The following PC variants were observed in gnomAD, a reference collection of about 807,000 sequenced individuals.
PC encodes pyruvate carboxylase, also known as pyruvate carboxylase, mitochondrial.
In PC, 46 loss-of-function variants were observed where a neutral mutation model predicts 107.8. That is an observed-to-expected ratio of 0.43 (90% CI 0.34 to 0.55). PC has a LOEUF of 0.55. PC is among the 20% of genes least tolerant of loss of function. The pLI, the probability that PC is intolerant of heterozygous loss-of-function variation, is 0.04. For missense variants in PC, 1,241 were observed against 1,643.1 expected (o/e 0.76, Z 4.23); for synonymous variants, 662 against 684.7 (o/e 0.97, Z 0.52).
In PC at chr11:66,933,680, A is replaced by G. The variant is rs1591299963; in HGVS notation, c.-1+18750T>C. 3.3e-5 allele frequency among the ~76,000 whole-genome samples: 5 copies of G among 151,468 alleles called. No homozygotes were observed. In the South Asian group the frequency reaches 1.0e-3, roughly 32 times the overall value. ...TCTTCTGTGACACTTTATATTTGCC[A>G]CCTCCTTCCCATTGCAACCACTTCC... On this transcript the variant is annotated intron_variant, in intron 3 of 22. Coordinates refer to ENST00000393960, the MANE Select transcript of PC (RefSeq NM_001040716.2).
chr11:66,887,158 G>A (rs1419215006), intron 3 of PC, among the ~76,000 whole-genome samples: 3 of 152,132 alleles, frequency 2.0e-5, no homozygotes, highest in African/African-American at 7.2e-5. Flanking sequence ...GGTATGCAGT[G>A]GGCTCCCCAG....
intron 3 of PC, among the ~76,000 whole-genome samples, chr11:66,943,293 A>G (rs894342957): frequency 1.3e-4 from 20 of 151,076 alleles, no homozygotes; most frequent in South Asian, 2.1e-4. Flanking sequence ...AAAAAAAAAA[A>G]GGGGTCACGG....
chr11:66,858,375 G>T lies in PC; in HGVS notation c.1369-4992C>A. ...CAACCGCCTGGCCACGCTGGCTCCG[G>T]ACCCGCTTTTCTCTCGTGGGCGTGA... is the stretch of plus-strand genomic sequence containing the variant. On this transcript the variant is annotated intron_variant, in intron 12 of 22. Transcript: ENST00000393960. The surrounding 1 kb of genome is among the most constrained non-coding windows in gnomAD (Gnocchi z 5.9). 1 of 1,581,728 alleles carries T rather than the reference G, an allele frequency of 6.3e-7. No individual in the cohort carries two copies.
Position 66,858,883 on chromosome 11 carries a change from A to AG in PC, c.1368+4890dup, listed in dbSNP as rs1258972997. ...CCCCATGGTGGGAACAGCAGTGCCG[A>AG]GGGGGGCCGCCCCGGGCCCTCGGAC... is the stretch of plus-strand genomic sequence containing the variant. On this transcript the variant is annotated intron_variant, in intron 12 of 22. Transcript: ENST00000393960. The surrounding 1 kb of genome is among the most constrained non-coding windows in gnomAD (Gnocchi z 5.9). The AG allele has an allele frequency of 1.9e-6, 3 of 1,560,198 alleles. No individual in the cohort carries two copies. The highest frequency in any genetic ancestry group is 1.4e-5 in the African/African-American group (1 of 73,508).
intron 3 of PC, among the ~76,000 whole-genome samples, chr11:66,942,992 G>A (rs1349852679): frequency 1.3e-5 from 2 of 151,312 alleles, no homozygotes; most frequent in African/African-American, 4.9e-5. Flanking sequence ...CTCCAGCCTG[G>A]GCAACGAGAG....
Position 66,858,897 on chromosome 11 carries a change from G to C in PC, c.1368+4877C>G. On this transcript the variant is annotated intron_variant, in intron 12 of 22. Transcript: ENST00000393960. The surrounding 1 kb of genome is among the most constrained non-coding windows in gnomAD (Gnocchi z 5.9). Reference sequence around the variant, plus strand: ...CAGCAGTGCCGAGGGGGGCCGCCCCGGGCCCTCGGACATCGCCGCCTCCGC... The same window carrying C: ...CAGCAGTGCCGAGGGGGGCCGCCCCCGGCCCTCGGACATCGCCGCCTCCGC... 1 of 1,562,306 alleles carries C rather than the reference G, an allele frequency of 6.4e-7. No homozygotes were observed. Among genetic ancestry groups the C allele is most frequent in the Non-Finnish European group, 8.7e-7 (1 of 1,152,814 alleles).
chr11:66,952,864 A>C (rs1949472444), intron 2 of PC, among the ~76,000 whole-genome samples: 1 of 152,156 alleles, frequency 6.6e-6, no homozygotes, highest in Admixed American at 6.5e-5. Context: ...CTTTGCTTCC[A>C]CTGAGGGCAC....
chr11:66,860,783 C>T (rs759534648), intron 12 of PC: 10 of 691,384 alleles, frequency 1.4e-5, no homozygotes, highest in East Asian at 2.7e-5. Context: ...CTGGGGAGCA[C>T]GTGTGAGCGC....
chr11:66,851,724 C>CACG, intron 16 of PC, 66 bp downstream of exon 16: 1 of 1,542,704 alleles, frequency 6.5e-7, no homozygotes, highest in East Asian at 2.2e-5. Flanking sequence ...CAGAGGCCAT[C>CACG]ACGACATGGC....
rs1945526042 is a variant in PC at position 66,852,006 on chromosome 11, T to C, written c.1826-60A>G. 1 of 1,567,262 alleles carries C rather than the reference T, an allele frequency of 6.4e-7. No individual in the cohort carries two copies. Among genetic ancestry groups the C allele is most frequent in the East Asian group, 2.3e-5 (1 of 43,860 alleles). On this transcript the variant is annotated intron_variant, in intron 15 of 22. Transcript: ENST00000393960. This position sits in a 1 kb window ranked among gnomAD's most constrained non-coding sequence, Gnocchi z 4.7. ...CATGCCTGGGGAACTCCACCAGGCC[T>C]TGGAGCTAGCTCTGCAGCACAAGCC...
intron 3 of PC, among the ~76,000 whole-genome samples, chr11:66,884,944 C>T (rs565054555): frequency 6.7e-4 from 102 of 152,278 alleles, no homozygotes; most frequent in Admixed American, 1.8e-3. Flanking sequence ...GGACATTTCC[C>T]GACCCTCTTC....
chr11:66,851,141 C>T lies in PC; in HGVS notation c.2122G>A (p.Gly708Ser). ...GVVEAAISYT[G>S]DVADPSRTKY... is the part of the protein sequence containing the mutation. ...GTGCGGCTGGGGTCGGCCACGTCGC[C>T]CGTGTATGAGATGGCAGCCTCCACC... Residue 708 changes from glycine (G) to serine (S), a missense_variant, in exon 17 of 23, where the codon GGC (glycine) becomes AGC (serine). Gly to Ser is a moderately conservative substitution (Grantham distance 56). This residue lies in a region of PC where 1,143 missense variants were observed against 1,551.9 expected (regional missense o/e 0.74). Transcript: ENST00000393960. 1 of 1,612,650 alleles carries T rather than the reference C, an allele frequency of 6.2e-7. No individual in the cohort carries two copies. Among genetic ancestry groups the T allele is most frequent in the Non-Finnish European group, 8.5e-7 (1 of 1,180,006 alleles).
intron 11 of PC, among the ~76,000 whole-genome samples, chr11:66,865,421 C>G (rs994898439): frequency 1.3e-5 from 2 of 152,268 alleles, no homozygotes; most frequent in African/African-American, 2.4e-5. Flanking sequence ...TGGCACGGTG[C>G]TGGCAGCACG....
chr11:66,878,847 T>C (rs573023471), intron 3 of PC, among the ~76,000 whole-genome samples: 2 of 151,910 alleles, frequency 1.3e-5, no homozygotes, highest in South Asian at 2.1e-4. Flanking sequence ...GAACAGAGAG[T>C]AGCCTCCTCT....
chr11:66,852,943 C>T lies in PC; in HGVS notation c.1514-107G>A. 3 of 890,206 alleles carry T rather than the reference C, an allele frequency of 3.4e-6. No homozygotes were observed. The highest frequency in any genetic ancestry group is 5.1e-6 in the Non-Finnish European group (3 of 590,756). The allele number at this position is 890,206 out of a possible 1,614,324, so 55.1% of individuals were successfully genotyped here. A position where few individuals can be genotyped will look rare whatever the true frequency, so the allele number is the denominator to read the frequency against. Reference sequence around the variant, plus strand: ...GGACAGGGACACATCCCTCCAGGATCCCCGGGCTTCCAGCTGGCCCCTGTC... The same window carrying T: ...GGACAGGGACACATCCCTCCAGGATTCCCGGGCTTCCAGCTGGCCCCTGTC... On this transcript the variant is annotated intron_variant, in intron 13 of 22. Transcript: ENST00000393960. The surrounding 1 kb of genome is among the most constrained non-coding windows in gnomAD (Gnocchi z 4.7).
At chr11:66,860,506 C>T (rs1203238453) in intron 12 of PC, 1 of 702,476 alleles carries the variant, frequency 1.4e-6, no homozygotes, top group Non-Finnish European at 2.6e-6. Flanking sequence ...CTGGCTAGGT[C>T]CCCCGAGACG....
chr11:66,868,083 G>T (rs545769596), intron 10 of PC, among the ~76,000 whole-genome samples: 161 of 152,358 alleles, frequency 1.1e-3, no homozygotes, highest in African/African-American at 3.8e-3. Context: ...GTGCCTGCAG[G>T]GAGCACGCTA....
intron 3 of PC, among the ~76,000 whole-genome samples, chr11:66,942,324 C>T (rs1448916597): frequency 3.4e-5 from 5 of 148,834 alleles, no homozygotes; most frequent in South Asian, 4.3e-4. Flanking sequence ...GGTGTGAACC[C>T]GGGAGGTGGA....
chr11:66,870,195 C>T lies in PC; in HGVS notation c.903+107G>A. The T allele has an allele frequency of 7.2e-7, 1 of 1,382,674 alleles. No homozygotes were observed. The allele number at this position is 1,382,674 out of a possible 1,614,324, so 85.7% of individuals were successfully genotyped here. On this transcript the variant is annotated intron_variant, in intron 9 of 22. Coordinates refer to ENST00000393960, the MANE Select transcript of PC (RefSeq NM_001040716.2). This position sits in a 1 kb window ranked among gnomAD's most constrained non-coding sequence, Gnocchi z 6.1. ...TCACCCTCTTCTCCCCATCCCCAGT[C>T]CCCAGAAGGGGACTCAGGGTCCCCT...
Sources: gnomAD v4.1 joint callset for allele counts (sites outside exome capture counted in the v4.1 genomes callset) on GRCh38, gnomAD v4.1.1 for gene constraint, gnomAD v4.1.1 regional missense constraint, Gnocchi (gnomAD v3.1) non-coding constraint, MANE v1.5 for transcripts, NCBI Gene and HGNC (gene_info 2026-07-23, HGNC 2026-07-21) for gene names.